Variants in MKLN1 observed in about 807,000 individuals in gnomAD.
MKLN1 encodes the protein muskelin 1, also known as muskelin.
In MKLN1, 18 loss-of-function variants were observed where a neutral mutation model predicts 99.0. That is an observed-to-expected ratio of 0.18 (90% CI 0.13 to 0.27). The LOEUF (loss-of-function observed/expected upper bound fraction) is 0.27, where lower values mean the gene tolerates loss of function less well. Ranked by LOEUF, MKLN1 falls within the 10% of genes least tolerant of loss-of-function variation. MKLN1 has a pLI of 1.00. For synonymous variants in MKLN1, 288 were observed against 293.2 expected (o/e 0.98, Z 0.18); for missense variants, 621 against 875.9 (o/e 0.71, Z 3.67).
At chr7:131,430,194 G>A (rs1795482401) in intron 9 of MKLN1, among the ~76,000 whole-genome samples, 1 of 152,068 alleles carries the variant, frequency 6.6e-6, no homozygotes, top group Non-Finnish European at 1.5e-5. Flanking sequence ...CACTGATTTT[G>A]ATCTAGGAAG....
intron 1 of MKLN1, among the ~76,000 whole-genome samples, chr7:131,350,121 AT>A (rs1799676917): frequency 6.6e-6 from 1 of 152,130 alleles, no homozygotes; most frequent in African/African-American, 2.4e-5. Flanking sequence ...CTTCTGGTAT[AT>A]TTTAAAGTAA....
Position 131,248,074 on chromosome 7 carries a change from A to ATTTAT in MKLN1, c.-179+45102_-179+45103insTATTT, listed in dbSNP as rs112584945. On this transcript the variant is annotated intron_variant, in intron 3 of 7. Coordinates refer to the MKLN1 transcript ENST00000416992. ...CCACCACACTCAGCTAATTACATTT[A>ATTTAT]TTATTTATTTATTTATTTATTTATT... Among the ~76,000 whole-genome samples, 182 of 57,328 alleles carry ATTTAT rather than the reference A, an allele frequency of 3.2e-3. 3 individuals are homozygous for ATTTAT. Among genetic ancestry groups the ATTTAT allele is most frequent in the African/African-American group, 0.012 (108 of 8,870 alleles). 37.6% of individuals were successfully genotyped at this position (57,328 alleles called of 152,430 possible).
chr7:131,355,961 CTCTT>C (rs1799864867), intron 1 of MKLN1, among the ~76,000 whole-genome samples: 1 of 151,416 alleles, frequency 6.6e-6, no homozygotes. Context: ...CTTTTTCTAT[CTCTT>C]AAATTTTAGA....
intron 12 of MKLN1, among the ~76,000 whole-genome samples, chr7:131,454,053 G>A (rs1335022688): frequency 7.1e-6 from 1 of 140,120 alleles, no homozygotes; most frequent in Non-Finnish European, 1.6e-5. Flanking sequence ...AATGTATTTG[G>A]TACAGCCTTT....
At chr7:131,406,890 T>C (rs1794725035) in intron 6 of MKLN1, among the ~76,000 whole-genome samples, 1 of 152,104 alleles carries the variant, frequency 6.6e-6, no homozygotes, top group Non-Finnish European at 1.5e-5. Context: ...CCTCTGACTG[T>C]TTAAATATTT....
At chr7:131,234,512 T>C (rs1275320844) in intron 3 of MKLN1, among the ~76,000 whole-genome samples, 1 of 152,190 alleles carries the variant, frequency 6.6e-6, no homozygotes, top group Non-Finnish European at 1.5e-5. Context: ...AGAGGACTCG[T>C]GTAAACTGGC....
intron 2 of MKLN1, among the ~76,000 whole-genome samples, chr7:131,154,335 G>A (rs1005854404): frequency 1.3e-5 from 2 of 152,086 alleles, no homozygotes; most frequent in African/African-American, 4.8e-5. Context: ...ACCCGCCTTG[G>A]CCTCCCAAAG....
intron 3 of MKLN1, among the ~76,000 whole-genome samples, chr7:131,285,674 C>T (rs932757249): frequency 1.3e-5 from 2 of 152,124 alleles, no homozygotes; most frequent in African/African-American, 4.8e-5. Flanking sequence ...TCTGTAGATA[C>T]AATAGGGCTG....
chr7:131,115,734 A>G (rs1009436366), intron 1 of MKLN1, among the ~76,000 whole-genome samples: 1 of 152,032 alleles, frequency 6.6e-6, no homozygotes, highest in African/African-American at 2.4e-5. Flanking sequence ...AACTTGTTGA[A>G]TTTGCTCTTG....
intron 4 of MKLN1, among the ~76,000 whole-genome samples, chr7:131,390,342 A>G (rs1233124139): frequency 6.6e-6 from 1 of 152,138 alleles, no homozygotes; most frequent in African/African-American, 2.4e-5. Context: ...CTTCTTTTGC[A>G]CTGGGTAATG....
At chr7:131,382,401 T>C (rs117424863) in intron 2 of MKLN1, among the ~76,000 whole-genome samples, 2 of 152,204 alleles carry the variant, frequency 1.3e-5, no homozygotes, top group Non-Finnish European at 2.9e-5. Context: ...ATACAAGTCT[T>C]TGTGGTTTTA....
intron 1 of MKLN1, among the ~76,000 whole-genome samples, chr7:131,349,386 G>A (rs988420238): frequency 1.3e-5 from 2 of 152,038 alleles, no homozygotes; most frequent in African/African-American, 2.4e-5. Flanking sequence ...TAGTAGAGAC[G>A]GGGTTTCACC....
rs374589098 is a variant in MKLN1 at position 131,204,830 on chromosome 7, A to T, written c.-179+1856A>T. ...GTGCCTGTAGTCCCAGCTACTCAGG[A>T]GGCTGAGGCAGGAGAATGGCGTGAA... is the stretch of plus-strand genomic sequence containing the variant. On this transcript the variant is annotated intron_variant, in intron 3 of 7. Coordinates refer to the MKLN1 transcript ENST00000416992. Among the ~76,000 whole-genome samples the T allele has an allele frequency of 3.3e-5, 5 of 151,974 alleles. No individual in the cohort carries two copies. The South Asian group carries it at 1.0e-3, about 32-fold the overall frequency.
At chr7:131,305,494 C>T (rs1423251671) in intron 3 of MKLN1, among the ~76,000 whole-genome samples, 1 of 152,172 alleles carries the variant, frequency 6.6e-6, no homozygotes. Context: ...AGCTCTATTT[C>T]CTTGGATAAG....
In MKLN1 at chr7:131,174,956, TAGA is replaced by T. The variant is rs1796271147; in HGVS notation, c.-296-27900_-296-27898del. Among the ~76,000 whole-genome samples, 11 of 1,716 alleles carry T rather than the reference TAGA, an allele frequency of 6.4e-3. 2 individuals are homozygous for T. The South Asian group carries it at 0.075, about 12-fold the overall frequency. 1.1% of individuals were successfully genotyped at this position (1,716 alleles called of 152,430 possible). A position where few individuals can be genotyped will look rare whatever the true frequency, so the allele number is the denominator to read the frequency against. On this transcript the variant is annotated intron_variant, in intron 2 of 7. Transcript: ENST00000416992. Reference sequence around the variant, plus strand: ...TCCCTCCCTGATAACTGGTAGATGATAGATAGATAGATAGATAGATAGATAGAT... The same window carrying T: ...TCCCTCCCTGATAACTGGTAGATGATTAGATAGATAGATAGATAGATAGAT...
At chr7:131,276,908 C>T (rs951157672) in intron 3 of MKLN1, among the ~76,000 whole-genome samples, 1 of 152,112 alleles carries the variant, frequency 6.6e-6, no homozygotes, top group African/African-American at 2.4e-5. Context: ...TCAGTAGGTA[C>T]AAGTCAGTCC....
chr7:131,304,781 T>C (rs1798430723), intron 3 of MKLN1, among the ~76,000 whole-genome samples: 2 of 152,016 alleles, frequency 1.3e-5, no homozygotes, highest in African/African-American at 4.8e-5. Context: ...CTATTTGGAG[T>C]GTTTGTTTTT....
intron 1 of MKLN1, among the ~76,000 whole-genome samples, chr7:131,337,103 T>G (rs976822959): frequency 4.6e-5 from 7 of 152,210 alleles, no homozygotes; most frequent in African/African-American, 1.7e-4. Flanking sequence ...CTGTTGCTTC[T>G]TGGAAGGTAG....
Position 131,495,892 on chromosome 7 carries a change from A to G in MKLN1, c.*8164A>G, listed in dbSNP as rs1192181379. On this transcript the variant is annotated 3_prime_UTR_variant, in exon 18 of 18. Coordinates refer to ENST00000352689, the MANE Select transcript of MKLN1 (RefSeq NM_013255.5). ...CATTATGGGCATATGGAGCATATTC[A>G]TACCATGAGGAGGAGTCTTTGTTTA... 6.6e-6 allele frequency: 1 copy of G among 152,198 alleles called. No individual in the cohort carries two copies. Among genetic ancestry groups the G allele is most frequent in the Non-Finnish European group, 1.5e-5 (1 of 68,020 alleles). The allele number at this position is 152,198 out of a possible 1,614,324, so 9.4% of individuals were successfully genotyped here.
Sources: gnomAD v4.1 joint callset for allele counts (sites outside exome capture counted in the v4.1 genomes callset) on GRCh38, gnomAD v4.1.1 for gene constraint, MANE v1.5 for transcripts, NCBI Gene and HGNC (gene_info 2026-07-23, HGNC 2026-07-21) for gene names.